Variants in HOXD11 observed in about 807,000 individuals in gnomAD.
HOXD11 encodes the protein homeobox D11, also known as homeobox protein Hox-D11.
A neutral mutation model predicts 23.1 loss-of-function variants in HOXD11; 16 were observed. That is an observed-to-expected ratio of 0.69 (90% confidence interval 0.47 to 1.05). The LOEUF is 1.05. Ranked by LOEUF, HOXD11 falls within the 50% of genes least tolerant of loss-of-function variation. The probability of loss-of-function intolerance (pLI) is 0.00; values close to 1 mark genes in which losing one functional copy is unlikely to be tolerated. For synonymous variants in HOXD11, 262 were observed against 224.4 expected, an observed-to-expected ratio of 1.17 and a Z score of -1.50; for missense variants, 564 against 495.6, an observed-to-expected ratio of 1.14 and a Z score of -1.31.
Position 176,108,918 on chromosome 2 carries a change from C to A in HOXD11, c.793C>A (p.Arg265=), listed in dbSNP as rs1689633045. The part of the protein sequence containing the change: ...EKSSSAVAPQ[R]SRKKRCPYTK... ...TCTTTGCCTTGCAGTTGCCCCCCAG[C>A]GGTCCCGGAAAAAGCGCTGTCCCTA... The change falls in exon 2 of 2, where the codon CGG becomes AGG. Residue 265 remains arginine (R), a synonymous_variant. Transcript: ENST00000249504. 2.5e-6 allele frequency: 4 copies of A among 1,612,980 alleles called. No individual in the cohort carries two copies. The South Asian group carries it at 3.3e-5, about 13-fold the overall frequency.
Position 176,107,352 on chromosome 2 carries a change from A to C in HOXD11, c.-4A>C. ...AGGCTCGCTGGCGCGCACGCCGCGG[A>C]GTCATGAACGACTTTGACGAGTGCG... On this transcript the variant is annotated 5_prime_UTR_variant, in exon 1 of 2. Coordinates refer to ENST00000249504, the MANE Select transcript of HOXD11 (RefSeq NM_021192.3). The C allele has an allele frequency of 6.3e-7, 1 of 1,585,572 alleles. No individual in the cohort carries two copies. Among genetic ancestry groups the C allele is most frequent in the South Asian group, 1.1e-5 (1 of 87,398 alleles).
chr2:176,114,529 G>T (rs889209051), downstream of HOXD11, among the ~76,000 whole-genome samples: 8 of 151,920 alleles, frequency 5.3e-5, no homozygotes, highest in Non-Finnish European at 5.9e-5. Flanking sequence ...CATTGCCACC[G>T]CGGAGTTTTT....
chr2:176,110,312 C>A (rs190511406), downstream of HOXD11, among the ~76,000 whole-genome samples: 100 of 152,320 alleles, frequency 6.6e-4, 1 homozygote, highest in East Asian at 0.018. Context: ...CTAGACAACA[C>A]CATAAAAGCC....
downstream of HOXD11, among the ~76,000 whole-genome samples, chr2:176,110,075 G>T (rs1689653365): frequency 6.6e-6 from 1 of 152,214 alleles, no homozygotes. Context: ...TCCATTGAAG[G>T]GAGAAGTTTT....
chr2:176,115,142 G>A, the HOXD11 span, among the ~76,000 whole-genome samples: 1 of 152,072 alleles, frequency 6.6e-6, no homozygotes, highest in East Asian at 1.9e-4. Flanking sequence ...TGGTGGTAGT[G>A]GTGGTAGTGG....
chr2:176,107,612 G>T lies in HOXD11; in HGVS notation c.257G>T (p.Gly86Val). The change falls in exon 1 of 2, where the codon GGC becomes GTC. Residue 86 changes from glycine to valine, a missense_variant. By Grantham distance (109) the Gly-to-Val change is moderately radical. Transcript: ENST00000249504. ...GGCGGCGGCGGCGGCAGCGCGGGGGGCGGCAGCAGCGGGGGCGGCCCCGGC... is the reference window on the plus strand; with the variant it reads ...GGCGGCGGCGGCGGCAGCGCGGGGGTCGGCAGCAGCGGGGGCGGCCCCGGC... ...RGGGGGGSAG[G>V]GSSGGGPGGG... The T allele has an allele frequency of 4.3e-6, 5 of 1,168,418 alleles. No individual in the cohort carries two copies. The highest frequency in any genetic ancestry group is 5.3e-6 in the Non-Finnish European group (5 of 938,166). 72.4% of individuals were successfully genotyped at this position (1,168,418 alleles called of 1,614,324 possible). A position where few individuals can be genotyped will look rare whatever the true frequency, so the allele number is the denominator to read the frequency against.
chr2:176,112,227 G>A (rs995324817), downstream of HOXD11, among the ~76,000 whole-genome samples: 3 of 152,258 alleles, frequency 2.0e-5, no homozygotes, highest in South Asian at 2.1e-4. Context: ...CCGGTCTTGA[G>A]CAGAGTTGAA....
At chr2:176,108,851 G>C (rs1165250402) in intron 1 of HOXD11, 56 bp from the exon 2 acceptor site, 1 of 1,281,030 alleles carries the variant, frequency 7.8e-7, no homozygotes, top group Non-Finnish European at 1.1e-6. Context: ...GCGGGCGGGC[G>C]GGTGGGGGCT....
Position 176,109,438 on chromosome 2 carries a change from CA to C in HOXD11, c.*297del, listed in dbSNP as rs1689645251. 5.4e-6 allele frequency: 2 copies of C among 368,722 alleles called. No individual in the cohort carries two copies. Among genetic ancestry groups the C allele is most frequent in the Non-Finnish European group, 9.9e-6 (2 of 202,182 alleles). The allele number at this position is 368,722 out of a possible 1,614,324, so 22.8% of individuals were successfully genotyped here. On this transcript the variant is annotated 3_prime_UTR_variant, in exon 2 of 2. Transcript: ENST00000249504. ...CCCCCTCTCCGAGTCCTCGTGGGGA[CA>C]CGGCGGGGTCTGTAGGAAGTTGGGC...
chr2:176,107,427 C>A lies in HOXD11; in HGVS notation c.72C>A (p.Ala24=), dbSNP rs764388908. 53 of 1,613,800 alleles carry A rather than the reference C, an allele frequency of 3.3e-5. No homozygotes were observed. Among genetic ancestry groups the A allele is most frequent in the Non-Finnish European group, 4.5e-5 (53 of 1,179,934 alleles). Residue 24 remains alanine (A), a synonymous_variant, in exon 1 of 2, where the codon GCC becomes GCA. Transcript: ENST00000249504. ...MYLPGCAYYV[A]PSDFASKPSF... The stretch of plus-strand genomic sequence containing the variant: ...TGCCGGGCTGCGCCTACTATGTGGC[C>A]CCGTCTGACTTCGCTAGCAAGCCTT...
At chr2:176,113,830 A>G (rs751437635), downstream of HOXD11, among the ~76,000 whole-genome samples, 4 of 152,222 alleles carry the variant, frequency 2.6e-5, no homozygotes, top group Non-Finnish European at 4.4e-5. Flanking sequence ...ATTTAACTCT[A>G]ACCAATAAGG....
At chr2:176,108,286 G>A in intron 1 of HOXD11, 150 bp downstream of exon 1, 1 of 553,168 alleles carries the variant, frequency 1.8e-6, no homozygotes, top group Non-Finnish European at 2.8e-6. Context: ...CTGGGCCGTT[G>A]TAAAGTGTGT....
At position 176,109,284 on chromosome 2, in the gene HOXD11, G is replaced by A. The variant is rs1559114532; in HGVS notation, c.*142G>A. ...ACGATTCCTTCCCACGGTCAACTCG[G>A]GACCTCCCAGCGACCACTGCAGCCT... On this transcript the variant is annotated 3_prime_UTR_variant, in exon 2 of 2. Coordinates refer to ENST00000249504, the MANE Select transcript of HOXD11 (RefSeq NM_021192.3). The A allele has an allele frequency of 1.6e-6, 1 of 641,390 alleles. No homozygotes were observed. The highest frequency in any genetic ancestry group is 2.8e-6 in the Non-Finnish European group (1 of 362,162). 39.7% of individuals were successfully genotyped at this position (641,390 alleles called of 1,614,324 possible). A position where few individuals can be genotyped will look rare whatever the true frequency, so the allele number is the denominator to read the frequency against.
intron 1 of HOXD11, 110 bp from the exon 2 acceptor site, chr2:176,108,797 C>A (rs1423561204): frequency 1.2e-5 from 8 of 690,312 alleles, no homozygotes; most frequent in Non-Finnish European, 1.2e-5. Context: ...CGGCAGAGAA[C>A]GTCCCCAACG....
downstream of HOXD11, among the ~76,000 whole-genome samples, chr2:176,112,243 G>T (rs377767233): frequency 7.2e-5 from 11 of 152,354 alleles, no homozygotes; most frequent in African/African-American, 2.6e-4. Context: ...TTGAATTGTG[G>T]CTCTCAGAAG....
chr2:176,108,183 G>A, intron 1 of HOXD11, 47 bp downstream of exon 1: 1 of 857,086 alleles, frequency 1.2e-6, no homozygotes, highest in Non-Finnish European at 1.6e-6. Context: ...GGCCGCGGGG[G>A]AGGGGGGGGG....
chr2:176,108,781 C>G, intron 1 of HOXD11, 126 bp from the exon 2 acceptor site: 1 of 638,850 alleles, frequency 1.6e-6, no homozygotes, highest in South Asian at 2.0e-5. Flanking sequence ...CAGGGCCTTT[C>G]GGCCGCGGCA....
the HOXD11 span, among the ~76,000 whole-genome samples, chr2:176,114,774 G>C: frequency 3.9e-5 from 6 of 152,232 alleles, no homozygotes; most frequent in African/African-American, 1.2e-4. Context: ...GTTCTATTGA[G>C]GTGGAAACCC....
chr2:176,109,361 A>G lies in HOXD11; in HGVS notation c.*219A>G, dbSNP rs1018683993. The G allele has an allele frequency of 5.6e-6, 3 of 531,662 alleles. No homozygotes were observed. Among genetic ancestry groups the G allele is most frequent in the Non-Finnish European group, 1.0e-5 (3 of 298,850 alleles). The allele number at this position is 531,662 out of a possible 1,614,324, so 32.9% of individuals were successfully genotyped here. ...CGGATCCTAATAAGGGGAAAATGGT[A>G]AATGCAAACGTCCCGTTACAATTTT... On this transcript the variant is annotated 3_prime_UTR_variant, in exon 2 of 2. Transcript: ENST00000249504.
Sources: gnomAD v4.1 joint callset for allele counts (sites outside exome capture counted in the v4.1 genomes callset) on GRCh38, gnomAD v4.1.1 for gene constraint, MANE v1.5 for transcripts, NCBI Gene and HGNC (gene_info 2026-07-23, HGNC 2026-07-21) for gene names.